NRXN1: variants seen among roughly 807,000 people sequenced by gnomAD.
NRXN1 encodes the protein neurexin 1.
NRXN1 carries 39 observed loss-of-function variants against 150.9 expected under a neutral mutation model. The observed-to-expected ratio is 0.26, with a 90% CI of 0.20 to 0.34. The LOEUF (loss-of-function observed/expected upper bound fraction) is 0.34, where lower values mean the gene tolerates loss of function less well. Ranked by LOEUF, NRXN1 falls within the 10% of genes least tolerant of loss-of-function variation. The pLI, the probability that NRXN1 is intolerant of heterozygous loss-of-function variation, is 1.00. For synonymous variants in NRXN1, 924 were observed against 757.0 expected (o/e 1.22, Z -3.62); for missense variants, 1,815 against 1,949.9 (o/e 0.93, Z 1.30).
intron 5 of NRXN1, among the ~76,000 whole-genome samples, chr2:50,754,032 G>A (rs1221891186): frequency 4.6e-5 from 7 of 150,610 alleles, no homozygotes; most frequent in African/African-American, 1.7e-4. Context: ...AATATTGCAG[G>A]AAAACATATG....
At chr2:50,364,796 C>G (rs1039954934) in intron 17 of NRXN1, among the ~76,000 whole-genome samples, 3 of 151,962 alleles carry the variant, frequency 2.0e-5, no homozygotes, top group East Asian at 3.9e-4. Flanking sequence ...AAAGCAATTT[C>G]CTACTTGAGG....
chr2:50,053,272 T>C lies in NRXN1; in HGVS notation c.4127A>G (p.Gln1376Arg). 1 of 1,613,962 alleles carries C rather than the reference T, an allele frequency of 6.2e-7. No homozygotes were observed. Among genetic ancestry groups the C allele is most frequent in the Non-Finnish European group, 8.5e-7 (1 of 1,179,852 alleles). ...GKPPTKEPIS[Q>R]TTDDILVASA... ...AAGGAATAAAATCCACAGGCTCACC[T>C]GGCTAATGGGTTCTTTTGTCGGGGG... Residue 1376 changes from glutamine (Q) to arginine (R), a missense_variant and splice_region_variant, in exon 21 of 23, where the codon CAG becomes CGG. Transcript: ENST00000401669.
chr2:50,378,800 C>T (rs1266360134), intron 17 of NRXN1, among the ~76,000 whole-genome samples: 8 of 152,104 alleles, frequency 5.3e-5, no homozygotes, highest in Non-Finnish European at 1.2e-4. Context: ...CAACATCAAA[C>T]AGGTAACTTT....
intron 17 of NRXN1, among the ~76,000 whole-genome samples, chr2:50,383,641 G>A (rs980840191): frequency 1.3e-5 from 2 of 152,078 alleles, no homozygotes; most frequent in African/African-American, 4.8e-5. Context: ...GAATAAACCT[G>A]ACAAAAGAAA....
chr2:50,462,659 G>A (rs1360949443), intron 17 of NRXN1, among the ~76,000 whole-genome samples: 5 of 151,638 alleles, frequency 3.3e-5, no homozygotes, highest in African/African-American at 4.8e-5. Context: ...GCAATTTTCC[G>A]GGGAAGAAAG....
At chr2:50,020,603 A>G (rs1687419020) in intron 21 of NRXN1, among the ~76,000 whole-genome samples, 1 of 152,226 alleles carries the variant, frequency 6.6e-6, no homozygotes, top group Admixed American at 6.5e-5. Flanking sequence ...ATAATTCCAT[A>G]TACATCTTTA....
chr2:50,025,030 A>G (rs1159682271), intron 21 of NRXN1, among the ~76,000 whole-genome samples: 2 of 152,202 alleles, frequency 1.3e-5, no homozygotes, highest in Admixed American at 6.5e-5. Context: ...CACTCAGCCT[A>G]TATATCTACA....
chr2:50,303,934 T>A (rs1162599306), intron 17 of NRXN1, among the ~76,000 whole-genome samples: 4 of 147,150 alleles, frequency 2.7e-5, no homozygotes, highest in African/African-American at 5.0e-5. Context: ...GGCAAAAAAA[T>A]ATTCACTAAG....
At chr2:50,202,433 G>T (rs1162270394) in intron 18 of NRXN1, among the ~76,000 whole-genome samples, 2 of 152,112 alleles carry the variant, frequency 1.3e-5, no homozygotes, top group African/African-American at 4.8e-5. Flanking sequence ...TTGAACATGG[G>T]AGGTGGAGCT....
intron 17 of NRXN1, among the ~76,000 whole-genome samples, chr2:50,257,467 A>G (rs1310942251): frequency 6.6e-6 from 1 of 152,056 alleles, no homozygotes; most frequent in Non-Finnish European, 1.5e-5. Context: ...TACTTTCTCC[A>G]CCTTTTGAGA....
chr2:50,724,154 G>T (rs1020247643), intron 5 of NRXN1, among the ~76,000 whole-genome samples: 1 of 152,066 alleles, frequency 6.6e-6, no homozygotes, highest in Non-Finnish European at 1.5e-5. Flanking sequence ...AAACTACCAA[G>T]AATTTATATT....
intron 5 of NRXN1, among the ~76,000 whole-genome samples, chr2:50,730,674 T>TG (rs1451912280): frequency 1.4e-5 from 2 of 142,904 alleles, no homozygotes; most frequent in African/African-American, 2.6e-5. Flanking sequence ...CTTGTTTTCT[T>TG]TTTTTTTTTT....
chr2:50,069,642 T>C (rs1695902020), intron 19 of NRXN1, among the ~76,000 whole-genome samples: 1 of 152,174 alleles, frequency 6.6e-6, no homozygotes, highest in African/African-American at 2.4e-5. Flanking sequence ...GAGATCTTTA[T>C]AATTAAGCCA....
At chr2:50,976,194 CTT>C (rs576892115) in intron 2 of NRXN1, among the ~76,000 whole-genome samples, 75 of 139,794 alleles carry the variant, frequency 5.4e-4, no homozygotes, top group East Asian at 2.9e-3. Flanking sequence ...TTATGTTATT[CTT>C]TTTTTTTTTT....
chr2:50,474,718 A>C (rs2104728925), intron 15 of NRXN1, among the ~76,000 whole-genome samples: 1 of 146,402 alleles, frequency 6.8e-6, no homozygotes, highest in Non-Finnish European at 1.5e-5. Flanking sequence ...TCCAACCTAA[A>C]GAGGTCATGC....
At chr2:50,689,531 T>C (rs550332746) in intron 5 of NRXN1, among the ~76,000 whole-genome samples, 1 of 152,316 alleles carries the variant, frequency 6.6e-6, no homozygotes, top group South Asian at 2.1e-4. Flanking sequence ...TCTTTGAAGC[T>C]ATCTGGATTT....
chr2:50,006,784 G>T (rs1372728546), intron 21 of NRXN1, among the ~76,000 whole-genome samples: 1 of 152,084 alleles, frequency 6.6e-6, no homozygotes, highest in East Asian at 1.9e-4. Context: ...CTGTGCTTGT[G>T]ATTCAAATCC....
chr2:49,944,668 T>C (rs1487662822), intron 21 of NRXN1, among the ~76,000 whole-genome samples: 1 of 152,154 alleles, frequency 6.6e-6, no homozygotes, highest in Non-Finnish European at 1.5e-5. Flanking sequence ...TCAGCATAGA[T>C]ATTGCATGGA....
At chr2:50,538,164 T>C (rs1408250133) in intron 10 of NRXN1, 89 bp downstream of exon 10, 2 of 1,432,916 alleles carry the variant, frequency 1.4e-6, no homozygotes, top group Admixed American at 2.1e-5. Context: ...GAGTATACAT[T>C]ACGTTTCAAT....
Sources: gnomAD v4.1 joint callset for allele counts (sites outside exome capture counted in the v4.1 genomes callset) on GRCh38, gnomAD v4.1.1 for gene constraint, MANE v1.5 for transcripts, NCBI Gene and HGNC (gene_info 2026-07-23, HGNC 2026-07-21) for gene names.